The following CPNE8 variants were observed in gnomAD, a reference collection of about 807,000 sequenced individuals.
CPNE8 encodes copine 8.
CPNE8 carries 45 observed loss-of-function variants against 81.5 expected under a neutral mutation model. The ratio of observed to expected loss-of-function variants is 0.55; its 90% CI spans 0.44 to 0.71. The LOEUF (loss-of-function observed/expected upper bound fraction) is 0.71. Among genes scored for constraint, CPNE8 ranks in the 30% least tolerant of loss-of-function variants. The pLI is 0.00. For missense variants in CPNE8, 594 were observed against 672.1 expected, an observed-to-expected ratio of 0.88 and a Z score of 1.28; for synonymous variants, 252 against 226.3, an observed-to-expected ratio of 1.11 and a Z score of -1.02.
intron 6 of CPNE8, among the ~76,000 whole-genome samples, chr12:38,796,543 G>C (rs1055553784): frequency 2.0e-5 from 3 of 152,050 alleles, no homozygotes; most frequent in Non-Finnish European, 4.4e-5. Flanking sequence ...ATAGTATCAA[G>C]ACTATATAAA....
At chr12:38,794,654 A>C (rs1942411597) in intron 6 of CPNE8, among the ~76,000 whole-genome samples, 1 of 152,042 alleles carries the variant, frequency 6.6e-6, no homozygotes, top group African/African-American at 2.4e-5. Flanking sequence ...CTACTATAAA[A>C]AAAAAAAACA....
At chr12:38,855,642 T>C (rs1943718970) in intron 3 of CPNE8, among the ~76,000 whole-genome samples, 1 of 152,112 alleles carries the variant, frequency 6.6e-6, no homozygotes, top group African/African-American at 2.4e-5. Context: ...AGGAATAAGT[T>C]TTAATGATCT....
chr12:38,770,845 G>A (rs777230918), intron 7 of CPNE8, among the ~76,000 whole-genome samples: 1 of 152,104 alleles, frequency 6.6e-6, no homozygotes, highest in African/African-American at 2.4e-5. Flanking sequence ...AAGAGGCCCA[G>A]TGATTCCCCC....
chr12:38,662,844 C>T (rs773639234), intron 19 of CPNE8, among the ~76,000 whole-genome samples: 1 of 152,064 alleles, frequency 6.6e-6, no homozygotes, highest in African/African-American at 2.4e-5. Flanking sequence ...CACATATTTA[C>T]AGCCAACTGA....
intron 1 of CPNE8, among the ~76,000 whole-genome samples, chr12:38,903,165 C>T (rs1036591765): frequency 6.6e-6 from 1 of 152,178 alleles, no homozygotes; most frequent in East Asian, 1.9e-4. Flanking sequence ...TCCAAAGGCA[C>T]TAACTTGGGT....
chr12:38,857,558 G>A (rs1323516866), intron 3 of CPNE8, among the ~76,000 whole-genome samples: 1 of 152,198 alleles, frequency 6.6e-6, no homozygotes, highest in Non-Finnish European at 1.5e-5. Flanking sequence ...TGAGCAAACA[G>A]GACATAGGAT....
At chr12:38,827,881 A>G (rs1307891329) in intron 6 of CPNE8, among the ~76,000 whole-genome samples, 1 of 152,134 alleles carries the variant, frequency 6.6e-6, no homozygotes, top group African/African-American at 2.4e-5. Flanking sequence ...TATGCTTATT[A>G]CCTGGGTGAT....
At chr12:38,710,268 C>CAAAAAAAAAAAAAA (rs57376063) in intron 13 of CPNE8, among the ~76,000 whole-genome samples, 38 of 50,286 alleles carry the variant, frequency 7.6e-4, no homozygotes, top group East Asian at 6.5e-3. Context: ...AATAAGCTAA[C>CAAAAAAAAAAAAAA]AAAAAAAAAA....
chr12:38,829,897 A>G (rs2137022916), intron 5 of CPNE8, among the ~76,000 whole-genome samples: 1 of 152,312 alleles, frequency 6.6e-6, no homozygotes, highest in South Asian at 2.1e-4. Flanking sequence ...ACTAGGGTCC[A>G]CAGCCAACCT....
At chr12:38,831,087 A>G (rs966157617) in intron 5 of CPNE8, among the ~76,000 whole-genome samples, 1 of 152,226 alleles carries the variant, frequency 6.6e-6, no homozygotes, top group African/African-American at 2.4e-5. Context: ...ATTTTCCCAA[A>G]GGAATTACTT....
chr12:38,861,796 A>G (rs1214594017), intron 3 of CPNE8, among the ~76,000 whole-genome samples: 1 of 152,160 alleles, frequency 6.6e-6, no homozygotes, highest in Non-Finnish European at 1.5e-5. Flanking sequence ...GAACTTTTCT[A>G]AGGAATCTAC....
Position 38,768,417 on chromosome 12 carries a change from T to C in CPNE8, c.472-679A>G, listed in dbSNP as rs558782221. On this transcript the variant is annotated intron_variant, in intron 7 of 19. Transcript: ENST00000331366. ...TGATTTAAAGGAAAACAAGCTAGGGTATCATAACACATTATTGATAACCAT... is the reference window on the plus strand; with the variant it reads ...TGATTTAAAGGAAAACAAGCTAGGGCATCATAACACATTATTGATAACCAT... 3.3e-5 allele frequency among the ~76,000 whole-genome samples: 5 copies of C among 152,308 alleles called. No individual in the cohort carries two copies. The South Asian group carries it at 1.0e-3, about 32-fold the overall frequency.
intron 6 of CPNE8, among the ~76,000 whole-genome samples, chr12:38,789,884 A>T (rs956929663): frequency 2.6e-5 from 4 of 151,898 alleles, no homozygotes; most frequent in African/African-American, 9.7e-5. Context: ...GCAAGTCAAA[A>T]CTGCAATGAG....
intron 15 of CPNE8, among the ~76,000 whole-genome samples, chr12:38,687,648 C>A (rs1324952459): frequency 6.6e-6 from 1 of 152,106 alleles, no homozygotes. Context: ...TCCCAAAGTG[C>A]TGGGATTACA....
At chr12:38,774,673 C>T (rs763966808) in intron 7 of CPNE8, among the ~76,000 whole-genome samples, 32 of 151,500 alleles carry the variant, frequency 2.1e-4, no homozygotes, top group East Asian at 5.8e-4. Flanking sequence ...CCTTCAAATA[C>T]GAAAAGTAAA....
At chr12:38,864,047 T>C (rs537995670) in intron 3 of CPNE8, among the ~76,000 whole-genome samples, 3 of 144,148 alleles carry the variant, frequency 2.1e-5, no homozygotes, top group East Asian at 2.1e-4. Context: ...GAGCGAGACT[T>C]CATCTCTCAC....
intron 10 of CPNE8, among the ~76,000 whole-genome samples, chr12:38,756,300 T>C (rs943224911): frequency 2.0e-5 from 3 of 151,380 alleles, no homozygotes; most frequent in Non-Finnish European, 4.4e-5. Flanking sequence ...TTGTCTGAAA[T>C]ACTCTAGCTA....
intron 1 of CPNE8, among the ~76,000 whole-genome samples, chr12:38,895,151 A>G (rs2137151837): frequency 6.6e-6 from 1 of 152,240 alleles, no homozygotes; most frequent in South Asian, 2.1e-4. Flanking sequence ...TGACTTTTAC[A>G]AACTCATGCC....
chr12:38,876,475 AGT>A (rs2137113098), intron 1 of CPNE8, among the ~76,000 whole-genome samples: 1 of 152,262 alleles, frequency 6.6e-6, no homozygotes, highest in East Asian at 1.9e-4. Context: ...TGCCTCCCAA[AGT>A]GCTGGGATTA....
Sources: gnomAD v4.1 joint callset for allele counts (sites outside exome capture counted in the v4.1 genomes callset) on GRCh38, gnomAD v4.1.1 for gene constraint, MANE v1.5 for transcripts, NCBI Gene and HGNC (gene_info 2026-07-23, HGNC 2026-07-21) for gene names.